Variants in ME3 observed in about 807,000 individuals in gnomAD.
ME3 encodes the protein malic enzyme 3.
In ME3, 48 loss-of-function variants were observed where a neutral mutation model predicts 68.9. The ratio of observed to expected loss-of-function variants is 0.70; its 90% CI spans 0.55 to 0.89. The LOEUF (loss-of-function observed/expected upper bound fraction) is 0.89. Ranked by LOEUF, ME3 falls within the 40% of genes least tolerant of loss-of-function variation. The pLI is 0.00. For synonymous variants in ME3, 320 were observed against 318.8 expected, an observed-to-expected ratio of 1.00 and a Z score of -0.04; for missense variants, 675 against 797.4, an observed-to-expected ratio of 0.85 and a Z score of 1.85.
chr11:86,461,149 G>A (rs780275525), intron 8 of ME3, among the ~76,000 whole-genome samples: 1 of 152,232 alleles, frequency 6.6e-6, no homozygotes, highest in Non-Finnish European at 1.5e-5. Flanking sequence ...AGGAGCAACA[G>A]GCAGCCTGAT....
At chr11:86,559,611 A>G in intron 3 of ME3, 79 bp downstream of exon 3, 1 of 1,472,592 alleles carries the variant, frequency 6.8e-7, no homozygotes, top group Non-Finnish European at 9.1e-7. Flanking sequence ...GAGAGTTTCC[A>G]GAAAACCCTC....
chr11:86,619,506 C>T (rs1437326004), intron 2 of ME3, among the ~76,000 whole-genome samples: 3 of 152,166 alleles, frequency 2.0e-5, no homozygotes, highest in Non-Finnish European at 2.9e-5. Flanking sequence ...GTGGGAGGCA[C>T]CTGGTGGGAG....
At chr11:86,452,379 A>T (rs2031441347) in intron 8 of ME3, among the ~76,000 whole-genome samples, 1 of 152,282 alleles carries the variant, frequency 6.6e-6, no homozygotes, top group South Asian at 2.1e-4. Context: ...GACAGGGAGG[A>T]CTATGTCTGA....
intron 2 of ME3, among the ~76,000 whole-genome samples, chr11:86,618,154 G>C (rs1005387197): frequency 1.3e-5 from 2 of 151,730 alleles, no homozygotes; most frequent in African/African-American, 4.8e-5. Context: ...CAAAAAATTT[G>C]CTGGGCATGG....
At chr11:86,647,530 C>T (rs1480463759) in intron 2 of ME3, among the ~76,000 whole-genome samples, 8 of 150,544 alleles carry the variant, frequency 5.3e-5, no homozygotes, top group African/African-American at 1.7e-4. Context: ...CAAAGACACA[C>T]ATAGGCTCAG....
Position 86,508,985 on chromosome 11 carries a change from A to G in ME3, c.468-118T>C. 5.1e-6 allele frequency: 4 copies of G among 789,956 alleles called. No individual in the cohort carries two copies. The South Asian group carries it at 6.5e-5, about 13-fold the overall frequency. 48.9% of individuals were successfully genotyped at this position (789,956 alleles called of 1,614,324 possible). On this transcript the variant is annotated intron_variant, in intron 4 of 14. Coordinates refer to ENST00000543262, the Ensembl canonical transcript of ME3. ...ATTTGCCCATAGACCTGGGCAAGAA[A>G]GATTCCTGCCCGAGGCCCCAGCAGT...
chr11:86,540,510 C>T (rs1360273408), intron 4 of ME3, among the ~76,000 whole-genome samples: 1 of 152,130 alleles, frequency 6.6e-6, no homozygotes, highest in African/African-American at 2.4e-5. Context: ...TGATCTATTC[C>T]TTCACATCCC....
chr11:86,612,042 C>T (rs929494546), intron 2 of ME3, among the ~76,000 whole-genome samples: 4 of 152,058 alleles, frequency 2.6e-5, no homozygotes, highest in African/African-American at 9.7e-5. Context: ...CCTATTGACC[C>T]ATCCTCTAAG....
intron 2 of ME3, among the ~76,000 whole-genome samples, chr11:86,590,951 CAT>C (rs543333452): frequency 5.8e-4 from 89 of 152,282 alleles, no homozygotes; most frequent in African/African-American, 2.1e-3. Context: ...GAGGTGAAAA[CAT>C]AGATTCAAGG....
At chr11:86,495,837 T>C (rs1466025283) in intron 6 of ME3, among the ~76,000 whole-genome samples, 1 of 152,172 alleles carries the variant, frequency 6.6e-6, no homozygotes, top group Non-Finnish European at 1.5e-5. Flanking sequence ...CTCAATATAC[T>C]GAAAGGCAAT....
At chr11:86,653,374 C>T (rs966062647) in intron 2 of ME3, among the ~76,000 whole-genome samples, 81 of 152,118 alleles carry the variant, frequency 5.3e-4, no homozygotes, top group Admixed American at 2.0e-3. Flanking sequence ...ATGTAAAAGA[C>T]AAAAAATTAT....
At chr11:86,669,369 T>C (rs1451990490) in intron 2 of ME3, among the ~76,000 whole-genome samples, 2 of 152,192 alleles carry the variant, frequency 1.3e-5, no homozygotes, top group African/African-American at 2.4e-5. Context: ...ATTAGTCTGG[T>C]TCTTACACGG....
At chr11:86,559,810 G>T (rs1006310475) in exon 3 of ME3, 2 of 1,613,872 alleles carry the variant, frequency 1.2e-6, no homozygotes, top group Middle Eastern at 3.3e-4. Flanking sequence ...TTCTTCAAGG[G>T]TAAAGGCCAT....
chr11:86,505,138 A>C (rs1285938784), intron 5 of ME3, among the ~76,000 whole-genome samples: 1 of 151,944 alleles, frequency 6.6e-6, no homozygotes, highest in Non-Finnish European at 1.5e-5. Flanking sequence ...ATGAGCAGAG[A>C]CTCCCTACCT....
At chr11:86,637,311 T>G (rs1051102318) in intron 2 of ME3, among the ~76,000 whole-genome samples, 2 of 132,614 alleles carry the variant, frequency 1.5e-5, no homozygotes, top group Non-Finnish European at 3.1e-5. Context: ...ATTATAGTAC[T>G]GAAGGTAATA....
chr11:86,531,208 C>G (rs2139270054), intron 4 of ME3, among the ~76,000 whole-genome samples: 1 of 152,332 alleles, frequency 6.6e-6, no homozygotes, highest in Non-Finnish European at 1.5e-5. Context: ...AGACACTTCT[C>G]AAAAGAAGAC....
At chr11:86,508,241 C>G (rs1953229746) in intron 5 of ME3, among the ~76,000 whole-genome samples, 1 of 152,144 alleles carries the variant, frequency 6.6e-6, no homozygotes, top group Non-Finnish European at 1.5e-5. Flanking sequence ...AGCCTAGTCT[C>G]TCCACTACCT....
Position 86,671,884 on chromosome 11 carries a change from C to A in ME3, c.61G>T (p.Ala21Ser), listed in dbSNP as rs547735437. 5.9e-6 allele frequency: 9 copies of A among 1,526,144 alleles called. No homozygotes were observed. The South Asian group carries it at 8.9e-5, about 15-fold the overall frequency. 94.5% of individuals were successfully genotyped at this position (1,526,144 alleles called of 1,614,324 possible). Residue 21 changes from alanine to serine, a missense_variant, in exon 2 of 15, where the codon GCC becomes TCC. Physicochemically the swap from Ala to Ser is moderately conservative, Grantham distance 99. Transcript: ENST00000543262. The stretch of plus-strand genomic sequence containing the variant: ...GCGGTGGGTGTCCAGCGCGGGAGGG[C>A]GCCGCAGGCCCGGCCCGGCCAGGGA...
At chr11:86,623,098 A>G (rs553701604) in intron 2 of ME3, among the ~76,000 whole-genome samples, 1 of 152,306 alleles carries the variant, frequency 6.6e-6, no homozygotes, top group South Asian at 2.1e-4. Context: ...CTGAGTGTCT[A>G]TGAGGGTGTA....
Sources: allele counts gnomAD v4.1 joint callset (sites outside exome capture counted in the v4.1 genomes callset), GRCh38; gene constraint gnomAD v4.1.1; transcripts MANE v1.5; gene names NCBI Gene and HGNC (gene_info 2026-07-23, HGNC 2026-07-21).